The following HMGA2 variants were observed in gnomAD, a reference collection of about 807,000 sequenced individuals.
HMGA2 encodes high mobility group AT-hook 2.
Under a neutral mutation model 19.1 loss-of-function variants are expected in HMGA2, and 8 were observed. The ratio of observed to expected loss-of-function variants is 0.42; its 90% CI spans 0.25 to 0.76. The LOEUF is 0.76. HMGA2 is among the 30% of genes least tolerant of loss of function. The pLI is 0.28. For missense variants in HMGA2, 109 were observed against 136.3 expected (o/e 0.80, Z 1.00); for synonymous variants, 60 against 48.8 (o/e 1.23, Z -0.96).
In HMGA2 at chr12:65,867,145, C is replaced by G. The variant is rs74097822; in HGVS notation, c.249+28576C>G. Among the ~76,000 whole-genome samples, 1,431 of 152,150 alleles carry G rather than the reference C, an allele frequency of 9.4e-3. 22 individuals carry two copies. The highest frequency in any genetic ancestry group is 0.033 in the African/African-American group (1,374 of 41,508). On this transcript the variant is annotated intron_variant, in intron 3 of 4. Transcript: ENST00000403681. ...TCACATAATGACAAAAAAACATTGACACTAAATTGAGGGCCTGCCATTTTT... is the reference window on the plus strand; with the variant it reads ...TCACATAATGACAAAAAAACATTGAGACTAAATTGAGGGCCTGCCATTTTT...
chr12:65,930,404 C>T (rs1422520243), intron 3 of HMGA2, among the ~76,000 whole-genome samples: 2 of 152,188 alleles, frequency 1.3e-5, no homozygotes, highest in South Asian at 2.1e-4. Context: ...GTGGAACTAG[C>T]CCAACTCAAG....
At chr12:65,959,593 T>C (rs1876694135) in intron 4 of HMGA2, among the ~76,000 whole-genome samples, 1 of 152,166 alleles carries the variant, frequency 6.6e-6, no homozygotes, top group East Asian at 1.9e-4. Flanking sequence ...AATGTCACCG[T>C]GCACTTGCAC....
intron 3 of HMGA2, among the ~76,000 whole-genome samples, chr12:65,931,701 A>T (rs1875721465): frequency 6.6e-6 from 1 of 152,070 alleles, no homozygotes; most frequent in Admixed American, 6.6e-5. Context: ...CTCTAAGTGC[A>T]TGGATCTATT....
At chr12:65,897,888 C>T (rs1874195625) in intron 3 of HMGA2, among the ~76,000 whole-genome samples, 1 of 151,090 alleles carries the variant, frequency 6.6e-6, no homozygotes, top group South Asian at 2.1e-4. Context: ...CACTTGAACC[C>T]GGGATGTGGA....
At chr12:65,928,245 A>G (rs1013162032) in intron 3 of HMGA2, among the ~76,000 whole-genome samples, 16 of 152,168 alleles carry the variant, frequency 1.1e-4, no homozygotes. Context: ...GTATTTGTGT[A>G]TCAAAACATA....
intron 3 of HMGA2, among the ~76,000 whole-genome samples, chr12:65,950,063 A>T (rs1458652235): frequency 6.6e-6 from 1 of 152,216 alleles, no homozygotes; most frequent in Non-Finnish European, 1.5e-5. Context: ...AAGCATTGGC[A>T]TGTATACGGA....
intron 3 of HMGA2, among the ~76,000 whole-genome samples, chr12:65,840,295 G>A (rs1333666240): frequency 3.3e-5 from 5 of 152,210 alleles, no homozygotes; most frequent in Admixed American, 3.3e-4. Context: ...AGGCAGGGTA[G>A]AGCAGAAAGT....
chr12:65,875,589 ATTTTTTTTTTT>A (rs71096056), intron 3 of HMGA2, among the ~76,000 whole-genome samples: 53 of 26,108 alleles, frequency 2.0e-3, no homozygotes, highest in African/African-American at 3.6e-3. Flanking sequence ...GTGCCCGGCT[ATTTTTTTTTTT>A]TTTTTTTTTT....
rs78347583 is a variant in HMGA2, at chr12:65,923,428, G to A, written c.250-27955G>A. Among the ~76,000 whole-genome samples, 240 of 152,292 alleles carry A rather than the reference G, an allele frequency of 1.6e-3. 1 individual carries two copies. The highest frequency in any genetic ancestry group is 5.7e-3 in the African/African-American group (236 of 41,564). On this transcript the variant is annotated intron_variant, in intron 3 of 4. Coordinates refer to ENST00000403681, the MANE Select transcript of HMGA2 (RefSeq NM_003483.6). ...TGAAGGAACACTCACCACCCACTAGGGGCTTCCCTGTGTTACATTCAGACT... is the reference window on the plus strand; with the variant it reads ...TGAAGGAACACTCACCACCCACTAGAGGCTTCCCTGTGTTACATTCAGACT...
At chr12:65,891,977 C>A (rs1873930622) in intron 3 of HMGA2, among the ~76,000 whole-genome samples, 2 of 152,228 alleles carry the variant, frequency 1.3e-5, no homozygotes, top group Admixed American at 1.3e-4. Context: ...ACTTTTGTCC[C>A]TTCCTGCTCA....
chr12:65,957,250 G>C, intron 4 of HMGA2: 1 of 152,162 alleles, frequency 6.6e-6, no homozygotes, highest in East Asian at 1.9e-4. Flanking sequence ...AGCACATCTG[G>C]AATATAACCC....
At chr12:65,872,116 T>C (rs1236880061) in intron 3 of HMGA2, among the ~76,000 whole-genome samples, 2 of 152,178 alleles carry the variant, frequency 1.3e-5, no homozygotes, top group East Asian at 3.9e-4. Context: ...TAGTGTGACT[T>C]GGCTTCTGCC....
chr12:65,901,906 A>G (rs181351544), intron 3 of HMGA2, among the ~76,000 whole-genome samples: 1 of 152,178 alleles, frequency 6.6e-6, no homozygotes, highest in African/African-American at 2.4e-5. Flanking sequence ...AAGAAACACG[A>G]TCTCCACCAA....
rs182406951 is a variant in HMGA2 at position 65,951,244 on chromosome 12, T to A, written c.250-139T>A. ...ATGCCTGGCCAAGTATAAACACTTT[T>A]AACATTGGATATACCAGTTGAACTT... On this transcript the variant is annotated intron_variant, in intron 3 of 4. Transcript: ENST00000403681. 1.1e-3 allele frequency: 640 copies of A among 598,588 alleles called. 3 individuals carry two copies. The highest frequency in any genetic ancestry group is 3.7e-3 in the Middle Eastern group (8 of 2,184). 37.1% of individuals were successfully genotyped at this position (598,588 alleles called of 1,614,324 possible).
intron 3 of HMGA2, among the ~76,000 whole-genome samples, chr12:65,928,653 T>C (rs369886164): frequency 1.3e-5 from 2 of 152,248 alleles, no homozygotes; most frequent in South Asian, 2.1e-4. Context: ...TAAGCTTTTC[T>C]CTATTTTGAA....
chr12:65,825,223 G>C lies in HMGA2; in HGVS notation c.-48G>C. 1.4e-6 allele frequency: 2 copies of C among 1,466,334 alleles called. No homozygotes were observed. Among genetic ancestry groups the C allele is most frequent in the Non-Finnish European group, 1.8e-6 (2 of 1,092,346 alleles). 90.8% of individuals were successfully genotyped at this position (1,466,334 alleles called of 1,614,324 possible). A position where few individuals can be genotyped will look rare whatever the true frequency, so the allele number is the denominator to read the frequency against. On this transcript the variant is annotated 5_prime_UTR_variant, in exon 1 of 5. Transcript: ENST00000403681. The surrounding 1 kb of genome is among the most constrained non-coding windows in gnomAD (Gnocchi z 4.4). ...GAAAGGTGCTGGGCAGCTCCGGGGCGGTCGAGGCGAAGCGGCTGCAGCGGC... is the reference window on the plus strand; with the variant it reads ...GAAAGGTGCTGGGCAGCTCCGGGGCCGTCGAGGCGAAGCGGCTGCAGCGGC...
At chr12:65,881,454 C>T (rs1873379889) in intron 3 of HMGA2, 1 of 460,278 alleles carries the variant, frequency 2.2e-6, no homozygotes, top group African/African-American at 2.0e-5. Context: ...TAAGACTTGG[C>T]TAAAAAAAAC....
At chr12:65,901,493 C>G (rs141060959) in intron 3 of HMGA2, among the ~76,000 whole-genome samples, 2 of 152,008 alleles carry the variant, frequency 1.3e-5, no homozygotes, top group East Asian at 1.9e-4. Flanking sequence ...AGTCACCAAG[C>G]GTTTATTTGT....
intron 3 of HMGA2, among the ~76,000 whole-genome samples, chr12:65,932,963 C>T (rs1287267960): frequency 6.6e-6 from 1 of 152,176 alleles, no homozygotes; most frequent in Non-Finnish European, 1.5e-5. Flanking sequence ...GTGATTTTGG[C>T]ATCTTGGGCA....
Sources: gnomAD v4.1 joint callset for allele counts (sites outside exome capture counted in the v4.1 genomes callset) on GRCh38, gnomAD v4.1.1 for gene constraint, Gnocchi (gnomAD v3.1) non-coding constraint, MANE v1.5 for transcripts, NCBI Gene and HGNC (gene_info 2026-07-23, HGNC 2026-07-21) for gene names.